CAST: variants seen among roughly 807,000 people sequenced by gnomAD.
The protein encoded by CAST is calpastatin, also known as MIR583 host.
CAST carries 76 observed loss-of-function variants against 119.6 expected under a neutral mutation model. The observed-to-expected ratio is 0.64, with a 90% CI of 0.53 to 0.77. CAST has a LOEUF of 0.77. Ranked by LOEUF, CAST falls within the 30% of genes least tolerant of loss-of-function variation. The probability of loss-of-function intolerance (pLI) is 0.00; values close to 1 mark genes in which losing one functional copy is unlikely to be tolerated. For missense variants in CAST, 953 were observed against 946.5 expected, an observed-to-expected ratio of 1.01 and a Z score of -0.09; for synonymous variants, 319 against 331.6, an observed-to-expected ratio of 0.96 and a Z score of 0.41.
At chr5:96,643,876 A>T (rs1747983620) in intron 1 of CAST, among the ~76,000 whole-genome samples, 2 of 151,970 alleles carry the variant, frequency 1.3e-5, no homozygotes, top group East Asian at 1.9e-4. Context: ...CATCTCAAAA[A>T]AATAATAATA....
chr5:96,662,225 C>T (rs527529256), upstream of CAST: 754 of 559,952 alleles, frequency 1.3e-3, 13 homozygotes, highest in South Asian at 0.024. Context: ...CCTCCGCGGG[C>T]AGGAAGGGGA....
At chr5:96,655,198 A>G (rs2150205664) in intron 1 of CAST, among the ~76,000 whole-genome samples, 1 of 152,334 alleles carries the variant, frequency 6.6e-6, no homozygotes, top group Admixed American at 6.5e-5. Flanking sequence ...ATGGTGGGTA[A>G]ACATGTCCTG....
chr5:96,428,230 T>C, the CAST span, among the ~76,000 whole-genome samples: 5 of 152,328 alleles, frequency 3.3e-5, no homozygotes, highest in East Asian at 9.6e-4. Flanking sequence ...TCAACAGTTC[T>C]ATCACCTTTC....
At chr5:96,191,820 G>A in the CAST span, among the ~76,000 whole-genome samples, 7 of 152,172 alleles carry the variant, frequency 4.6e-5, no homozygotes, top group Non-Finnish European at 1.0e-4. Flanking sequence ...TGCCCACCTC[G>A]GCCTCCCAAA....
chr5:96,268,547 C>T, the CAST span, among the ~76,000 whole-genome samples: 4 of 152,060 alleles, frequency 2.6e-5, no homozygotes, highest in Non-Finnish European at 4.4e-5. Flanking sequence ...CACTGCACTC[C>T]ATTTCACCAC....
At chr5:96,743,659 G>T in intron 16 of CAST, 1 of 1,613,480 alleles carries the variant, frequency 6.2e-7, no homozygotes, top group South Asian at 1.1e-5. Flanking sequence ...CTTTCTTGGA[G>T]GGCTCACCGG....
intron 17 of CAST, 102 bp downstream of exon 17, chr5:96,746,527 A>T: frequency 1.3e-6 from 1 of 786,178 alleles, no homozygotes; most frequent in Non-Finnish European, 2.3e-6. Context: ...TCTGTCCCCC[A>T]TTCAGATATT....
the CAST span, among the ~76,000 whole-genome samples, chr5:96,157,693 G>T: frequency 2.0e-5 from 3 of 152,182 alleles, no homozygotes; most frequent in Non-Finnish European, 4.4e-5. Flanking sequence ...CAATTAGCCA[G>T]CAATTGGCCT....
At chr5:96,728,472 AG>A (rs891775875) in intron 6 of CAST, 2 of 137,250 alleles carry the variant, frequency 1.5e-5, no homozygotes, top group African/African-American at 2.8e-5. Flanking sequence ...CTATGAAAGG[AG>A]TTTTTTTTTT....
At chr5:96,580,760 A>C (rs180905628) in intron 1 of CAST, among the ~76,000 whole-genome samples, 103 of 152,378 alleles carry the variant, frequency 6.8e-4, no homozygotes, top group African/African-American at 2.4e-3. Context: ...TTTGTTCAGA[A>C]AAGGCAAGGC....
chr5:96,680,077 G>A (rs898552953), intron 2 of CAST, among the ~76,000 whole-genome samples: 4 of 151,860 alleles, frequency 2.6e-5, no homozygotes, highest in Admixed American at 6.6e-5. Flanking sequence ...TTGGCCAGGC[G>A]TGGTGGCTCA....
the CAST span, among the ~76,000 whole-genome samples, chr5:96,019,396 T>C: frequency 1.3e-5 from 2 of 152,230 alleles, no homozygotes; most frequent in African/African-American, 4.8e-5. Context: ...TGTTTTCTTA[T>C]TGGCATCCCT....
chr5:96,346,824 C>G, the CAST span, among the ~76,000 whole-genome samples: 16 of 152,084 alleles, frequency 1.1e-4, no homozygotes, highest in Non-Finnish European at 2.9e-5. Context: ...CAATATTATT[C>G]AGGATTCCAT....
the CAST span, among the ~76,000 whole-genome samples, chr5:96,139,021 C>T: frequency 6.6e-6 from 1 of 151,950 alleles, no homozygotes; most frequent in Non-Finnish European, 1.5e-5. Context: ...GAGAAAGTGT[C>T]CAGATTTTCA....
At chr5:96,612,152 T>C (rs1379303785) in intron 1 of CAST, among the ~76,000 whole-genome samples, 1 of 152,182 alleles carries the variant, frequency 6.6e-6, no homozygotes, top group Non-Finnish European at 1.5e-5. Flanking sequence ...TGTATGTTCA[T>C]GGCAGCACTA....
At chr5:96,661,560 G>T (rs1306049950), upstream of CAST, among the ~76,000 whole-genome samples, 1 of 152,082 alleles carries the variant, frequency 6.6e-6, no homozygotes. Context: ...TGTCAGGCCT[G>T]ATTGTGAACC....
chr5:96,091,504 CTTT>C, the CAST span, among the ~76,000 whole-genome samples: 868 of 98,532 alleles, frequency 8.8e-3, 3 homozygotes, highest in Non-Finnish European at 0.013. Context: ...CATGCCTGGC[CTTT>C]TTTTTTTTTT....
At chr5:96,531,128 C>G (rs1745681951) in intron 1 of CAST, among the ~76,000 whole-genome samples, 1 of 152,096 alleles carries the variant, frequency 6.6e-6, no homozygotes. Flanking sequence ...ACCACAACAA[C>G]AAAGACATCA....
chr5:96,617,593 T>A (rs1019124239), intron 1 of CAST, among the ~76,000 whole-genome samples: 1 of 151,478 alleles, frequency 6.6e-6, no homozygotes. Context: ...ATCGAGACCA[T>A]CCTGGCTAAC....
Sources: allele counts gnomAD v4.1 joint callset (sites outside exome capture counted in the v4.1 genomes callset), GRCh38; gene constraint gnomAD v4.1.1; transcripts MANE v1.5; gene names NCBI Gene and HGNC (gene_info 2026-07-23, HGNC 2026-07-21).